Variants in AP1M1 observed in about 807,000 individuals in gnomAD.
AP1M1 encodes AP-1 complex subunit mu-1.
AP1M1 carries 18 observed loss-of-function variants against 57.1 expected under a neutral mutation model. The ratio of observed to expected loss-of-function variants is 0.32; its 90% CI spans 0.22 to 0.47. The LOEUF is 0.47. Among genes scored for constraint, AP1M1 ranks in the 20% least tolerant of loss-of-function variants. The probability of loss-of-function intolerance (pLI) is 1.00; values close to 1 mark genes in which losing one functional copy is unlikely to be tolerated. For missense variants in AP1M1, 362 were observed against 593.5 expected (o/e 0.61, Z 4.05); for synonymous variants, 241 against 237.9 (o/e 1.01, Z -0.12).
rs991440824 is a variant in AP1M1, at chr19:16,219,910, G to A, written c.547-6511G>A. 2.0e-5 allele frequency among the ~76,000 whole-genome samples: 3 copies of A among 152,030 alleles called. No individual in the cohort carries two copies. In the East Asian group the frequency reaches 5.8e-4, roughly 29 times the overall value. ...TTTTGGATTTGGGATTTTTGAATTA[G>A]GAATGCTTAACCTGTATTCTTTTTA... On this transcript the variant is annotated intron_variant, in intron 5 of 11. Transcript: ENST00000291439.
At chr19:16,231,741 C>T (rs1245978071) in intron 9 of AP1M1, among the ~76,000 whole-genome samples, 5 of 152,300 alleles carry the variant, frequency 3.3e-5, no homozygotes, top group South Asian at 2.1e-4. Context: ...CTGCTGTGAA[C>T]GAGTGCACAA....
In AP1M1 at chr19:16,226,279, C is replaced by T. The variant is rs546825526; in HGVS notation, c.547-142C>T. The T allele has an allele frequency of 4.9e-5, 61 of 1,245,566 alleles. No individual in the cohort carries two copies. In the African/African-American group the frequency reaches 8.4e-4, roughly 17 times the overall value. 77.2% of individuals were successfully genotyped at this position (1,245,566 alleles called of 1,614,324 possible). A position where few individuals can be genotyped will look rare whatever the true frequency, so the allele number is the denominator to read the frequency against. ...TTAGCCACAGCTGGGACTCTCCCAG[C>T]TCAGGGGATGCCCAGGAGAGGGATG... On this transcript the variant is annotated intron_variant, in intron 5 of 11. Transcript: ENST00000291439.
rs1192964975 is a variant in AP1M1, at chr19:16,239,255, T to C, written c.*4820T>C. ...GCCAGTTCTCTTTTTTTTTTTTTTTTTTTTTTTTTTTTTTTTTTTTTTTTA... is the reference window on the plus strand; with the variant it reads ...GCCAGTTCTCTTTTTTTTTTTTTTTCTTTTTTTTTTTTTTTTTTTTTTTTA... On this transcript the variant is annotated 3_prime_UTR_variant, in exon 12 of 12. Coordinates refer to ENST00000291439, the MANE Select transcript of AP1M1 (RefSeq NM_032493.4). 9 of 81,550 alleles carry C rather than the reference T, an allele frequency of 1.1e-4. No homozygotes were observed. Among genetic ancestry groups the C allele is most frequent in the Non-Finnish European group, 1.9e-4 (9 of 48,138 alleles). The allele number at this position is 81,550 out of a possible 1,614,324, so 5.1% of individuals were successfully genotyped here.
At chr19:16,219,518 C>A (rs1400815013) in intron 5 of AP1M1, among the ~76,000 whole-genome samples, 1 of 151,696 alleles carries the variant, frequency 6.6e-6, no homozygotes, top group Non-Finnish European at 1.5e-5. Context: ...CTGCCTCAGT[C>A]TCCCAAGTAG....
At position 16,212,583 on chromosome 19, in the gene AP1M1, G is replaced by T. The variant is rs544920948; in HGVS notation, c.546+3406G>T. 4.6e-5 allele frequency among the ~76,000 whole-genome samples: 7 copies of T among 152,184 alleles called. No homozygotes were observed. In the South Asian group the frequency reaches 1.5e-3, roughly 32 times the overall value. On this transcript the variant is annotated intron_variant, in intron 5 of 11. Coordinates refer to ENST00000291439, the MANE Select transcript of AP1M1 (RefSeq NM_032493.4). ...ACTTGATGTTTTGAATGGTGTTTTT[G>T]TGTCTCAGTCTTCTAGAGTTCAGCT...
intron 5 of AP1M1, among the ~76,000 whole-genome samples, chr19:16,213,346 C>T (rs1294242198): frequency 6.6e-6 from 1 of 152,144 alleles, no homozygotes; most frequent in African/African-American, 2.4e-5. Flanking sequence ...CAATGCACTT[C>T]TTTGTCTTTT....
chr19:16,225,839 G>C (rs1284465551), intron 5 of AP1M1, among the ~76,000 whole-genome samples: 1 of 152,134 alleles, frequency 6.6e-6, no homozygotes, highest in Non-Finnish European at 1.5e-5. Context: ...TGGGGGGTGA[G>C]GGGCCAGTGG....
chr19:16,204,987 C>A (rs1451238129), intron 2 of AP1M1, among the ~76,000 whole-genome samples: 1 of 152,072 alleles, frequency 6.6e-6, no homozygotes, highest in Non-Finnish European at 1.5e-5. Flanking sequence ...CCCGCCACCA[C>A]GCCCAGCTAA....
At chr19:16,200,078 G>A (rs1410605268) in intron 1 of AP1M1, among the ~76,000 whole-genome samples, 4 of 152,172 alleles carry the variant, frequency 2.6e-5, no homozygotes, top group Non-Finnish European at 5.9e-5. Flanking sequence ...CTGAGCAGAT[G>A]CATGAGACAG....
chr19:16,209,277 G>C, intron 5 of AP1M1, 100 bp downstream of exon 5: 1 of 1,364,904 alleles, frequency 7.3e-7, no homozygotes, highest in South Asian at 1.3e-5. Context: ...GAGCCGTTCT[G>C]TGTGGTAACA....
chr19:16,220,541 C>T (rs1250969166), intron 5 of AP1M1, among the ~76,000 whole-genome samples: 6 of 152,100 alleles, frequency 3.9e-5, no homozygotes, highest in Non-Finnish European at 5.9e-5. Flanking sequence ...CAGGCATGTA[C>T]CACCACACCT....
intron 2 of AP1M1, among the ~76,000 whole-genome samples, chr19:16,205,317 C>G (rs2091464868): frequency 6.6e-6 from 1 of 152,166 alleles, no homozygotes; most frequent in Non-Finnish European, 1.5e-5. Flanking sequence ...GCTTAGTGGA[C>G]ATCGTTTCAC....
rs1568355089 is a variant in AP1M1 at position 16,228,707 on chromosome 19, T to C, written c.889-63T>C. 2 of 1,596,314 alleles carry C rather than the reference T, an allele frequency of 1.3e-6. 1 individual carries two copies. The highest frequency in any genetic ancestry group is 2.2e-5 in the South Asian group (2 of 90,164). On this transcript the variant is annotated intron_variant, in intron 8 of 11. Coordinates refer to ENST00000291439, the MANE Select transcript of AP1M1 (RefSeq NM_032493.4). This position sits in a 1 kb window ranked among gnomAD's most constrained non-coding sequence, Gnocchi z 5.0. ...GGGCCAGGCTGAGGGGCATGTGTCC[T>C]GGAGAGGCTGGCCAGCTCACCTTGG...
At chr19:16,208,304 T>G (rs2091478535) in intron 4 of AP1M1, 155 bp downstream of exon 4, 2 of 792,608 alleles carry the variant, frequency 2.5e-6, no homozygotes, top group Non-Finnish European at 3.8e-6. Flanking sequence ...TAAGTTGCTC[T>G]TAGTGGTTTT....
At chr19:16,204,468 TG>T (rs1337790666) in intron 2 of AP1M1, among the ~76,000 whole-genome samples, 3 of 152,120 alleles carry the variant, frequency 2.0e-5, no homozygotes, top group African/African-American at 4.8e-5. Flanking sequence ...CACAGTTCAG[TG>T]GGAACAACGA....
chr19:16,231,054 T>C (rs285278), intron 9 of AP1M1, among the ~76,000 whole-genome samples: 151,788 of 151,988 alleles, frequency 1, 75,797 homozygotes, highest in Middle Eastern at 1. Context: ...TTTCGGAGGC[T>C]GAGGCGGGCG....
At chr19:16,214,045 C>G (rs1461089102) in intron 5 of AP1M1, among the ~76,000 whole-genome samples, 2 of 102,368 alleles carry the variant, frequency 2.0e-5, no homozygotes, top group Non-Finnish European at 4.8e-5. Flanking sequence ...CCTTTTCTTT[C>G]CTTTTTCTTT....
Position 16,228,332 on chromosome 19 carries a change from C to A in AP1M1, c.888+124C>A. 1 of 983,498 alleles carries A rather than the reference C, an allele frequency of 1.0e-6. No homozygotes were observed. The highest frequency in any genetic ancestry group is 1.5e-6 in the Non-Finnish European group (1 of 645,934). 60.9% of individuals were successfully genotyped at this position (983,498 alleles called of 1,614,324 possible). On this transcript the variant is annotated intron_variant, in intron 8 of 11. Transcript: ENST00000291439. This position sits in a 1 kb window ranked among gnomAD's most constrained non-coding sequence, Gnocchi z 5.0. ...TGCACCCTCACTGTGGCCTCAGATG[C>A]AGGAGTGACCTGACACTGAGGGGAC...
intron 1 of AP1M1, among the ~76,000 whole-genome samples, chr19:16,198,892 C>T (rs1173134025): frequency 1.3e-5 from 2 of 152,102 alleles, no homozygotes; most frequent in Non-Finnish European, 2.9e-5. Context: ...ACTGCAACCT[C>T]CGCCTCCCGG....
Sources: allele counts gnomAD v4.1 joint callset (sites outside exome capture counted in the v4.1 genomes callset), GRCh38; gene constraint gnomAD v4.1.1; non-coding constraint Gnocchi (gnomAD v3.1); transcripts MANE v1.5; gene names NCBI Gene and HGNC (gene_info 2026-07-23, HGNC 2026-07-21).